Variants in CD2AP observed in about 807,000 individuals in gnomAD.
CD2AP encodes CD2-associated protein.
CD2AP carries 46 observed loss-of-function variants against 85.1 expected under a neutral mutation model. The observed-to-expected ratio is 0.54, with a 90% confidence interval of 0.43 to 0.69. The LOEUF (loss-of-function observed/expected upper bound fraction) is 0.69, where lower values mean the gene tolerates loss of function less well. Among genes scored for constraint, CD2AP ranks in the 30% least tolerant of loss-of-function variants. CD2AP has a pLI of 0.00. For synonymous variants in CD2AP, 255 were observed against 252.9 expected, an observed-to-expected ratio of 1.01 and a Z score of -0.08; for missense variants, 769 against 729.5, an observed-to-expected ratio of 1.05 and a Z score of -0.62.
chr6:47,493,734 T>G (rs540095986), intron 1 of CD2AP, among the ~76,000 whole-genome samples: 1 of 152,144 alleles, frequency 6.6e-6, no homozygotes, highest in Non-Finnish European at 1.5e-5. Context: ...TGTTCTGTCC[T>G]GGGATTTTTT....
intron 5 of CD2AP, 125 bp downstream of exon 5, chr6:47,554,891 C>T: frequency 2.1e-6 from 2 of 967,210 alleles, no homozygotes; most frequent in Non-Finnish European, 3.0e-6. Context: ...AATTAGTCTA[C>T]TTTAAAAAAG....
In CD2AP at chr6:47,503,518, T is replaced by C. The variant is rs1247154559; in HGVS notation, c.165+78T>C. The C allele has an allele frequency of 3.2e-6, 4 of 1,242,028 alleles. No individual in the cohort carries two copies. The African/African-American group carries it at 6.0e-5, about 19-fold the overall frequency. The allele number at this position is 1,242,028 out of a possible 1,614,324, so 76.9% of individuals were successfully genotyped here. ...AAATGTTAAGAAATAGATATACTTT[T>C]AAAATTAAAATGTTTTAGATAAATG... On this transcript the variant is annotated intron_variant, in intron 2 of 17. Coordinates refer to ENST00000359314, the MANE Select transcript of CD2AP (RefSeq NM_012120.3).
At chr6:47,490,831 T>A (rs1191226180) in intron 1 of CD2AP, among the ~76,000 whole-genome samples, 1 of 152,210 alleles carries the variant, frequency 6.6e-6, no homozygotes, top group East Asian at 1.9e-4. Context: ...TGTATGCTAT[T>A]TGAAGTACAA....
chr6:47,616,079 G>T (rs1769576173), intron 17 of CD2AP, among the ~76,000 whole-genome samples: 1 of 82,032 alleles, frequency 1.2e-5, no homozygotes, highest in Non-Finnish European at 2.4e-5. Context: ...CACTGCGCCT[G>T]GCCTTTTTTT....
At chr6:47,483,817 G>A (rs979555694) in intron 1 of CD2AP, among the ~76,000 whole-genome samples, 1 of 123,110 alleles carries the variant, frequency 8.1e-6, no homozygotes, top group South Asian at 2.5e-4. Context: ...TTTTGCTCCT[G>A]TCTCTTTTTC....
At chr6:47,587,249 C>T (rs1768655100) in intron 11 of CD2AP, among the ~76,000 whole-genome samples, 1 of 152,084 alleles carries the variant, frequency 6.6e-6, no homozygotes, top group Admixed American at 6.6e-5. Context: ...TGGTTTTTAT[C>T]TCATGATCTT....
At chr6:47,619,702 C>G (rs946503341) in intron 17 of CD2AP, among the ~76,000 whole-genome samples, 2 of 152,122 alleles carry the variant, frequency 1.3e-5, no homozygotes. Context: ...TAGAAGTGTT[C>G]CCTGATCACC....
chr6:47,509,039 A>G lies in CD2AP; in HGVS notation c.165+5599A>G, dbSNP rs141544173. On this transcript the variant is annotated intron_variant, in intron 2 of 17. Coordinates refer to ENST00000359314, the MANE Select transcript of CD2AP (RefSeq NM_012120.3). ...CTTGGTCATTTCTAGCTTTTGATTT[A>G]AGTCAGAGATGTGTGATTCTTCCTT... 5.3e-5 allele frequency among the ~76,000 whole-genome samples: 8 copies of G among 152,250 alleles called. No homozygotes were observed. The East Asian group carries it at 1.5e-3, about 29-fold the overall frequency.
At chr6:47,544,346 G>A (rs1767311158) in intron 3 of CD2AP, among the ~76,000 whole-genome samples, 1 of 152,040 alleles carries the variant, frequency 6.6e-6, no homozygotes, top group South Asian at 2.1e-4. Context: ...AATGGTAATG[G>A]GTATTTGGAT....
At chr6:47,489,545 C>T (rs1765670366) in intron 1 of CD2AP, among the ~76,000 whole-genome samples, 1 of 152,068 alleles carries the variant, frequency 6.6e-6, no homozygotes, top group Non-Finnish European at 1.5e-5. Context: ...ATAGCAACTT[C>T]CCATTTTTTG....
chr6:47,527,140 A>G (rs1052706380), intron 2 of CD2AP, among the ~76,000 whole-genome samples: 1 of 151,842 alleles, frequency 6.6e-6, no homozygotes, highest in Non-Finnish European at 1.5e-5. Context: ...TTGTTCTTTT[A>G]AAAAAAGAAA....
chr6:47,529,758 T>G (rs1376113201), intron 2 of CD2AP, among the ~76,000 whole-genome samples: 15 of 152,208 alleles, frequency 9.9e-5, no homozygotes, highest in Admixed American at 9.8e-4. Context: ...ATTGTTTTGC[T>G]TAAAGTCACA....
At chr6:47,525,813 A>C (rs1378246320) in intron 2 of CD2AP, among the ~76,000 whole-genome samples, 1 of 152,152 alleles carries the variant, frequency 6.6e-6, no homozygotes. Flanking sequence ...ATTCTTATCT[A>C]TATGGAGATT....
rs1582455264 is a variant in CD2AP at position 47,478,156 on chromosome 6, C to T, written c.-89C>T. On this transcript the variant is annotated 5_prime_UTR_variant, in exon 1 of 18. Coordinates refer to ENST00000359314, the MANE Select transcript of CD2AP (RefSeq NM_012120.3). ...GGGCTAGCGCGGAGCGCGGGTCCCG[C>T]CTCCAGCCGCGGGAGCGGCCGCGCG... 6.6e-7 allele frequency: 1 copy of T among 1,513,138 alleles called. No homozygotes were observed. Among genetic ancestry groups the T allele is most frequent in the Non-Finnish European group, 9.0e-7 (1 of 1,114,576 alleles). The allele number at this position is 1,513,138 out of a possible 1,614,324, so 93.7% of individuals were successfully genotyped here.
chr6:47,503,154 T>A, intron 1 of CD2AP, 126 bp from the exon 2 acceptor site: 1 of 898,744 alleles, frequency 1.1e-6, no homozygotes, highest in Non-Finnish European at 1.7e-6. Flanking sequence ...GAAATCAGCC[T>A]TGCTGATGTC....
At chr6:47,570,319 T>C (rs1768114580) in intron 5 of CD2AP, among the ~76,000 whole-genome samples, 1 of 152,166 alleles carries the variant, frequency 6.6e-6, no homozygotes, top group African/African-American at 2.4e-5. Context: ...TTAGGCTCGA[T>C]AGACAGATTT....
At chr6:47,618,650 T>A (rs1260417572) in intron 17 of CD2AP, among the ~76,000 whole-genome samples, 1 of 152,234 alleles carries the variant, frequency 6.6e-6, no homozygotes, top group African/African-American at 2.4e-5. Flanking sequence ...TATACATACA[T>A]GTTTATATTC....
Position 47,576,427 on chromosome 6 carries a change from A to T in CD2AP, c.730-97A>T, listed in dbSNP as rs1256116604. On this transcript the variant is annotated intron_variant, in intron 6 of 17. Transcript: ENST00000359314. Reference sequence around the variant, plus strand: ...CATTACTATCCTAGCTATAAGTACCATTAGGGAAAGCTGGGTAACTGTAAA... The same window carrying T: ...CATTACTATCCTAGCTATAAGTACCTTTAGGGAAAGCTGGGTAACTGTAAA... 3 of 841,998 alleles carry T rather than the reference A, an allele frequency of 3.6e-6. No homozygotes were observed. The Admixed American group carries it at 5.2e-5, about 14-fold the overall frequency. The allele number at this position is 841,998 out of a possible 1,614,324, so 52.2% of individuals were successfully genotyped here. A position where few individuals can be genotyped will look rare whatever the true frequency, so the allele number is the denominator to read the frequency against.
chr6:47,487,367 T>C (rs1374692427), intron 1 of CD2AP, among the ~76,000 whole-genome samples: 1 of 152,178 alleles, frequency 6.6e-6, no homozygotes, highest in African/African-American at 2.4e-5. Context: ...GTTGAACTTA[T>C]GCTTACAACT....
Sources: allele counts gnomAD v4.1 joint callset (sites outside exome capture counted in the v4.1 genomes callset), GRCh38; gene constraint gnomAD v4.1.1; transcripts MANE v1.5; gene names NCBI Gene and HGNC (gene_info 2026-07-23, HGNC 2026-07-21).